Variants in PRKCA observed in about 807,000 individuals in gnomAD.
PRKCA encodes protein kinase C alpha type.
A neutral mutation model predicts 87.0 loss-of-function variants in PRKCA; 27 were observed. The ratio of observed to expected loss-of-function variants is 0.31; its 90% CI spans 0.23 to 0.43. PRKCA has a LOEUF of 0.43. PRKCA is among the 20% of genes least tolerant of loss of function. The pLI, the probability that PRKCA is intolerant of heterozygous loss-of-function variation, is 1.00. For synonymous variants in PRKCA, 329 were observed against 311.1 expected, an observed-to-expected ratio of 1.06 and a Z score of -0.61; for missense variants, 518 against 852.3, an observed-to-expected ratio of 0.61 and a Z score of 4.88.
chr17:66,449,684 G>GTT (rs1413584780), intron 2 of PRKCA, among the ~76,000 whole-genome samples: 1 of 152,188 alleles, frequency 6.6e-6, no homozygotes, highest in African/African-American at 2.4e-5. Flanking sequence ...AAGTCAGAGG[G>GTT]ACTACACAGA....
At chr17:66,700,702 A>G (rs1309732680) in intron 8 of PRKCA, among the ~76,000 whole-genome samples, 1 of 152,218 alleles carries the variant, frequency 6.6e-6, no homozygotes, top group Non-Finnish European at 1.5e-5. Flanking sequence ...TTACAGTAGC[A>G]TCAAAAAGAA....
intron 3 of PRKCA, among the ~76,000 whole-genome samples, chr17:66,500,194 A>G (rs1916668033): frequency 6.6e-6 from 1 of 152,208 alleles, no homozygotes; most frequent in Non-Finnish European, 1.5e-5. Flanking sequence ...ATCTGCTGGC[A>G]CCTTGATCTT....
chr17:66,503,647 G>A (rs2144140211), intron 3 of PRKCA, among the ~76,000 whole-genome samples: 1 of 152,256 alleles, frequency 6.6e-6, no homozygotes, highest in African/African-American at 2.4e-5. Flanking sequence ...TGTCTAGAAA[G>A]CAAAATTGCT....
chr17:66,729,148 A>G (rs1255902739), intron 8 of PRKCA, among the ~76,000 whole-genome samples: 1 of 152,166 alleles, frequency 6.6e-6, no homozygotes, highest in Non-Finnish European at 1.5e-5. Flanking sequence ...GCGGTGGCTC[A>G]CACCTGTAAT....
At chr17:66,762,633 G>A (rs1043352466) in intron 13 of PRKCA, among the ~76,000 whole-genome samples, 2 of 152,108 alleles carry the variant, frequency 1.3e-5, no homozygotes, top group Admixed American at 6.5e-5. Context: ...TGTTTATGAC[G>A]CTCTGGTCTC....
intron 2 of PRKCA, among the ~76,000 whole-genome samples, chr17:66,473,241 C>G (rs1915400645): frequency 6.6e-6 from 1 of 152,190 alleles, no homozygotes; most frequent in Non-Finnish European, 1.5e-5. Flanking sequence ...CTCCCTCTGC[C>G]CTGGGCCAGG....
In PRKCA at chr17:66,427,427, T is replaced by C. The variant is rs143216127; in HGVS notation, c.206-68774T>C. Among the ~76,000 whole-genome samples the C allele has an allele frequency of 2.2e-3, 336 of 152,376 alleles. 1 individual carries two copies. The highest frequency in any genetic ancestry group is 7.7e-3 in the African/African-American group (319 of 41,588). On this transcript the variant is annotated intron_variant, in intron 2 of 16. Transcript: ENST00000413366. The stretch of plus-strand genomic sequence containing the variant: ...TTGCAGTGGTGGAATTGAGTAGTTA[T>C]GAAAGAGAGACAGTATGGTTCACAA...
intron 3 of PRKCA, among the ~76,000 whole-genome samples, chr17:66,510,408 G>T (rs1296752525): frequency 6.6e-6 from 1 of 152,014 alleles, no homozygotes; most frequent in African/African-American, 2.4e-5. Flanking sequence ...AGCATTTTTT[G>T]GTTAAATGTT....
rs538439867 is a variant in PRKCA, at chr17:66,710,318, A to G, written c.918+21271A>G. On this transcript the variant is annotated intron_variant, in intron 8 of 16. Coordinates refer to ENST00000413366, the MANE Select transcript of PRKCA (RefSeq NM_002737.3). ...GTCTGCTGTGCCTGCCTGCATCATA[A>G]TTGGAACCTGTGCTGTGTTGTACTC... 4.6e-5 allele frequency among the ~76,000 whole-genome samples: 7 copies of G among 151,966 alleles called. No homozygotes were observed. The South Asian group carries it at 1.5e-3, about 32-fold the overall frequency.
At chr17:66,681,530 A>G (rs185511510) in intron 5 of PRKCA, among the ~76,000 whole-genome samples, 31 of 152,332 alleles carry the variant, frequency 2.0e-4, no homozygotes, top group Admixed American at 1.5e-3. Flanking sequence ...TAGCAAGTAT[A>G]TAAGACTTAC....
intron 5 of PRKCA, among the ~76,000 whole-genome samples, chr17:66,672,517 C>T (rs965110114): frequency 6.6e-6 from 1 of 152,134 alleles, no homozygotes; most frequent in East Asian, 1.9e-4. Flanking sequence ...AAGCTACTTC[C>T]AAGAATGTAT....
At chr17:66,469,739 T>G (rs1013347764) in intron 2 of PRKCA, among the ~76,000 whole-genome samples, 3 of 152,182 alleles carry the variant, frequency 2.0e-5, no homozygotes, top group African/African-American at 7.2e-5. Flanking sequence ...CTTTGAGTTG[T>G]TTTTTTCTGA....
chr17:66,353,266 A>C (rs949075177), intron 2 of PRKCA, among the ~76,000 whole-genome samples: 1 of 152,210 alleles, frequency 6.6e-6, no homozygotes, highest in Non-Finnish European at 1.5e-5. Context: ...TTGATGACTC[A>C]TTTTGATCCT....
chr17:66,363,370 T>C (rs925757372), intron 2 of PRKCA, among the ~76,000 whole-genome samples: 1 of 152,246 alleles, frequency 6.6e-6, no homozygotes, highest in Non-Finnish European at 1.5e-5. Context: ...AGTTACTGAT[T>C]TTCTTAGTGT....
intron 3 of PRKCA, among the ~76,000 whole-genome samples, chr17:66,514,581 G>A (rs1160822331): frequency 6.6e-6 from 1 of 152,156 alleles, no homozygotes; most frequent in Non-Finnish European, 1.5e-5. Flanking sequence ...GCAGCTCCAT[G>A]TTTCTGTGCG....
intron 3 of PRKCA, among the ~76,000 whole-genome samples, chr17:66,536,159 A>G (rs1007615211): frequency 2.0e-5 from 3 of 152,188 alleles, no homozygotes; most frequent in Admixed American, 6.5e-5. Flanking sequence ...CTCTCAGCAT[A>G]TTTCTGATCA....
At chr17:66,505,247 A>G (rs984850158) in intron 3 of PRKCA, among the ~76,000 whole-genome samples, 7 of 152,184 alleles carry the variant, frequency 4.6e-5, no homozygotes, top group African/African-American at 1.7e-4. Context: ...TTCTATCCTC[A>G]TCCGTAGTTC....
chr17:66,379,867 C>T (rs1909685652), intron 2 of PRKCA, among the ~76,000 whole-genome samples: 1 of 151,898 alleles, frequency 6.6e-6, no homozygotes, highest in African/African-American at 2.4e-5. Flanking sequence ...GGTCTGTGAT[C>T]TTTTCGAGTT....
chr17:66,793,045 C>T (rs1237743810), intron 16 of PRKCA, among the ~76,000 whole-genome samples: 2 of 152,218 alleles, frequency 1.3e-5, no homozygotes, highest in African/African-American at 4.8e-5. Context: ...AAAGCAAAGA[C>T]AACCACAGAC....
Sources: gnomAD v4.1 joint callset for allele counts (sites outside exome capture counted in the v4.1 genomes callset) on GRCh38, gnomAD v4.1.1 for gene constraint, MANE v1.5 for transcripts, NCBI Gene and HGNC (gene_info 2026-07-23, HGNC 2026-07-21) for gene names.